Variants in DYNC1I1 observed in about 807,000 individuals in gnomAD.
DYNC1I1 encodes the protein dynein cytoplasmic 1 intermediate chain 1.
DYNC1I1 carries 43 observed loss-of-function variants against 86.6 expected under a neutral mutation model. The observed-to-expected ratio is 0.50, with a 90% CI of 0.39 to 0.64. The LOEUF is 0.64. DYNC1I1 is among the 30% of genes least tolerant of loss of function. The probability of loss-of-function intolerance (pLI) is 0.00; values close to 1 mark genes in which losing one functional copy is unlikely to be tolerated. For synonymous variants in DYNC1I1, 262 were observed against 283.7 expected (o/e 0.92, Z 0.77); for missense variants, 604 against 788.8 (o/e 0.77, Z 2.81).
At chr7:95,795,187 T>C (rs976861641) in intron 1 of DYNC1I1, among the ~76,000 whole-genome samples, 4 of 151,846 alleles carry the variant, frequency 2.6e-5, no homozygotes, top group African/African-American at 9.7e-5. Context: ...ATAACGGCTT[T>C]TTGTTTAAGA....
intron 1 of DYNC1I1, among the ~76,000 whole-genome samples, chr7:95,774,441 A>G (rs766456583): frequency 6.6e-6 from 1 of 151,968 alleles, no homozygotes; most frequent in Non-Finnish European, 1.5e-5. Context: ...CCTCTTTGCT[A>G]TTGAAAACAT....
chr7:95,833,676 G>A (rs987115918), intron 5 of DYNC1I1, among the ~76,000 whole-genome samples: 4 of 150,500 alleles, frequency 2.7e-5, no homozygotes, highest in African/African-American at 7.4e-5. Context: ...TCCTTGAAGA[G>A]GTCCCTCACG....
chr7:95,922,358 A>G (rs1791633327), intron 6 of DYNC1I1, among the ~76,000 whole-genome samples: 2 of 152,118 alleles, frequency 1.3e-5, no homozygotes, highest in African/African-American at 2.4e-5. Flanking sequence ...TTGGAGAAGG[A>G]CTGATTGGTT....
intron 6 of DYNC1I1, among the ~76,000 whole-genome samples, chr7:95,903,428 C>T (rs555801196): frequency 6.6e-6 from 1 of 152,134 alleles, no homozygotes; most frequent in Admixed American, 6.6e-5. Flanking sequence ...CTAGTCACAG[C>T]TAGTTCTAGC....
In DYNC1I1 at chr7:95,960,913, G is replaced by T. The variant is rs139985301; in HGVS notation, c.491-16599G>T. On this transcript the variant is annotated intron_variant, in intron 6 of 16. Coordinates refer to ENST00000447467, the MANE Select transcript of DYNC1I1 (RefSeq NM_001135556.2). ...GAAAGAATCTTCAAGTTTTAATGGT[G>T]CATAGTTATGCTTGTAAACGTCTCC... is the stretch of plus-strand genomic sequence containing the variant. Among the ~76,000 whole-genome samples the T allele has an allele frequency of 6.4e-3, 972 of 152,326 alleles. 4 individuals carry two copies. The highest frequency in any genetic ancestry group is 8.6e-3 in the Non-Finnish European group (584 of 68,032).
At chr7:95,927,547 T>G (rs942224831) in intron 6 of DYNC1I1, among the ~76,000 whole-genome samples, 1 of 152,160 alleles carries the variant, frequency 6.6e-6, no homozygotes, top group Non-Finnish European at 1.5e-5. Flanking sequence ...GCTTGATAAC[T>G]GTTCTATGGG....
chr7:95,813,107 T>TC (rs397762293), intron 3 of DYNC1I1, 140 bp from the exon 4 acceptor site: 45 of 1,407,860 alleles, frequency 3.2e-5, no homozygotes, highest in Middle Eastern at 4.5e-4. Flanking sequence ...TTTTTTTTTT[T>TC]CTTTATCCCA....
intron 1 of DYNC1I1, among the ~76,000 whole-genome samples, chr7:95,794,053 G>A (rs1174712531): frequency 6.6e-6 from 1 of 152,194 alleles, no homozygotes; most frequent in Non-Finnish European, 1.5e-5. Context: ...TGGCTTCTTT[G>A]CCTGATACTT....
intron 5 of DYNC1I1, among the ~76,000 whole-genome samples, chr7:95,850,480 A>G (rs894431976): frequency 3.3e-5 from 5 of 152,014 alleles, no homozygotes; most frequent in African/African-American, 7.2e-5. Flanking sequence ...GTTTTTGTAC[A>G]TTTATAGTAG....
At chr7:96,035,500 G>T in intron 12 of DYNC1I1, 119 bp from the exon 13 acceptor site, 1 of 1,331,592 alleles carries the variant, frequency 7.5e-7, no homozygotes, top group Non-Finnish European at 9.9e-7. Flanking sequence ...CACAGCCGGG[G>T]TCTTTTGTAA....
Position 95,873,620 on chromosome 7 carries a change from A to G in DYNC1I1, c.490+3622A>G, listed in dbSNP as rs182693390. 1.1e-3 allele frequency among the ~76,000 whole-genome samples: 173 copies of G among 152,338 alleles called. 1 individual carries two copies. Among genetic ancestry groups the G allele is most frequent in the African/African-American group, 4.0e-3 (165 of 41,582 alleles). ...ACATAATGTCTTAACTAGGTCTTAA[A>G]GATACCAGCTACAGCTTCCTCTCCA... On this transcript the variant is annotated intron_variant, in intron 6 of 16. Transcript: ENST00000447467.
At chr7:95,828,535 T>C (rs1460615345) in intron 5 of DYNC1I1, among the ~76,000 whole-genome samples, 1 of 152,146 alleles carries the variant, frequency 6.6e-6, no homozygotes, top group East Asian at 1.9e-4. Context: ...TTCTTTACTT[T>C]TCTTTTCAGT....
intron 6 of DYNC1I1, among the ~76,000 whole-genome samples, chr7:95,943,439 C>T (rs1170108273): frequency 6.6e-6 from 1 of 150,642 alleles, no homozygotes; most frequent in Non-Finnish European, 1.5e-5. Flanking sequence ...GTGAAAATGG[C>T]CATACTGCCC....
chr7:95,904,007 G>A (rs892735018), intron 6 of DYNC1I1, among the ~76,000 whole-genome samples: 10 of 152,136 alleles, frequency 6.6e-5, no homozygotes, highest in Non-Finnish European at 1.5e-4. Context: ...AGAATGTGTT[G>A]ACAGTTTGGC....
chr7:95,939,500 A>G (rs1474289583), intron 6 of DYNC1I1, among the ~76,000 whole-genome samples: 2 of 151,862 alleles, frequency 1.3e-5, no homozygotes, highest in South Asian at 2.1e-4. Flanking sequence ...GTGCATATAT[A>G]TTTAGGATAA....
intron 1 of DYNC1I1, among the ~76,000 whole-genome samples, chr7:95,798,711 A>G (rs775031660): frequency 3.3e-5 from 5 of 152,182 alleles, no homozygotes; most frequent in Non-Finnish European, 7.3e-5. Context: ...TAGACAACCG[A>G]AAGGAAATAG....
chr7:95,936,495 G>A (rs1249275317), intron 6 of DYNC1I1, among the ~76,000 whole-genome samples: 1 of 151,786 alleles, frequency 6.6e-6, no homozygotes. Flanking sequence ...CTGGTTTTTA[G>A]GTGAAACAAG....
chr7:95,831,131 G>A (rs1246488979), intron 5 of DYNC1I1, among the ~76,000 whole-genome samples: 5 of 151,938 alleles, frequency 3.3e-5, no homozygotes, highest in African/African-American at 1.2e-4. Flanking sequence ...ATGCTTTATG[G>A]GGTATATAAT....
At chr7:96,084,371 T>C (rs1199241347) in intron 16 of DYNC1I1, among the ~76,000 whole-genome samples, 4 of 150,792 alleles carry the variant, frequency 2.7e-5, no homozygotes, top group Non-Finnish European at 5.9e-5. Flanking sequence ...AAGAGAAATC[T>C]GTAGAAATGT....
Sources: allele counts gnomAD v4.1 joint callset (sites outside exome capture counted in the v4.1 genomes callset), GRCh38; gene constraint gnomAD v4.1.1; transcripts MANE v1.5; gene names NCBI Gene and HGNC (gene_info 2026-07-23, HGNC 2026-07-21).